The following SLC16A7 variants were observed in gnomAD, a reference collection of about 807,000 sequenced individuals.
SLC16A7 encodes monocarboxylate transporter 2.
SLC16A7 carries 33 observed loss-of-function variants against 34.9 expected under a neutral mutation model. That is an observed-to-expected ratio of 0.94 (90% confidence interval 0.72 to 1.26). The LOEUF (loss-of-function observed/expected upper bound fraction) is 1.26, where lower values mean the gene tolerates loss of function less well. Ranked by LOEUF, SLC16A7 falls within the 50% of genes most tolerant of loss-of-function variation. SLC16A7 has a pLI of 0.00. For missense variants in SLC16A7, 573 were observed against 578.1 expected (o/e 0.99, Z 0.09); for synonymous variants, 201 against 206.6 (o/e 0.97, Z 0.23).
chr12:59,664,735 G>A (rs1195307938), intron 2 of SLC16A7: 3 of 152,128 alleles, frequency 2.0e-5, no homozygotes, highest in Non-Finnish European at 4.4e-5. Context: ...TGAAAAGTAT[G>A]AACTAATAGT....
intron 3 of SLC16A7, among the ~76,000 whole-genome samples, chr12:59,723,453 T>G (rs1875848621): frequency 1.3e-5 from 2 of 151,950 alleles, no homozygotes; most frequent in African/African-American, 4.8e-5. Context: ...TAAAATTTAT[T>G]AAAGCTTCAT....
At chr12:59,768,213 C>T (rs143151350) in intron 3 of SLC16A7, 56 of 455,488 alleles carry the variant, frequency 1.2e-4, no homozygotes, top group East Asian at 5.6e-4. Context: ...GATAACATCA[C>T]GATCATTCAC....
At chr12:59,724,184 T>C (rs1261788142) in intron 3 of SLC16A7, among the ~76,000 whole-genome samples, 2 of 152,056 alleles carry the variant, frequency 1.3e-5, no homozygotes, top group Admixed American at 6.6e-5. Flanking sequence ...TTCAGCAGAA[T>C]ACAGGTTTTG....
At chr12:59,706,821 G>T (rs1446910206) in intron 3 of SLC16A7, among the ~76,000 whole-genome samples, 3 of 152,042 alleles carry the variant, frequency 2.0e-5, no homozygotes, top group Non-Finnish European at 2.9e-5. Flanking sequence ...ATTAATATAA[G>T]TCCATTGAAT....
chr12:59,608,379 C>A (rs1011388640), intron 1 of SLC16A7, among the ~76,000 whole-genome samples: 3 of 152,152 alleles, frequency 2.0e-5, no homozygotes, highest in African/African-American at 7.2e-5. Context: ...CAACTTCATA[C>A]CAGCTTCTTG....
chr12:59,720,222 G>T, intron 3 of SLC16A7: 2 of 544,864 alleles, frequency 3.7e-6, no homozygotes, highest in Non-Finnish European at 3.2e-6. Flanking sequence ...TGTTACTTAT[G>T]TATTTATAGT....
intron 1 of SLC16A7, among the ~76,000 whole-genome samples, chr12:59,598,466 T>G (rs1878529759): frequency 6.6e-6 from 1 of 151,350 alleles, no homozygotes; most frequent in South Asian, 2.1e-4. Flanking sequence ...TAATCTTTCT[T>G]GTATCCCATT....
chr12:59,733,698 T>G (rs1046806953), intron 3 of SLC16A7: 1 of 455,964 alleles, frequency 2.2e-6, no homozygotes, highest in African/African-American at 2.0e-5. Flanking sequence ...TTACAACTGT[T>G]TCAGTCCCGC....
In SLC16A7 at chr12:59,786,126, G is replaced by A. The variant is rs1296218770; in HGVS notation, c.*6447G>A. The A allele has an allele frequency of 6.6e-6, 1 of 151,286 alleles. No individual in the cohort carries two copies. The highest frequency in any genetic ancestry group is 1.5e-5 in the Non-Finnish European group (1 of 67,872). The allele number at this position is 151,286 out of a possible 1,614,324, so 9.4% of individuals were successfully genotyped here. Reference sequence around the variant, plus strand: ...GGTGCAGCGCACCAGCATGGCACATGTATACATATGTAACTAACCTGCACA... The same window carrying A: ...GGTGCAGCGCACCAGCATGGCACATATATACATATGTAACTAACCTGCACA... On this transcript the variant is annotated 3_prime_UTR_variant, in exon 6 of 6. Coordinates refer to ENST00000547379, the MANE Select transcript of SLC16A7 (RefSeq NM_001270623.2).
At chr12:59,713,716 A>G (rs935481749) in intron 3 of SLC16A7, among the ~76,000 whole-genome samples, 2 of 152,234 alleles carry the variant, frequency 1.3e-5, no homozygotes, top group Non-Finnish European at 2.9e-5. Flanking sequence ...GGCAGACACT[A>G]GCCTTGCACA....
chr12:59,635,143 T>C (rs1250920014), intron 1 of SLC16A7, among the ~76,000 whole-genome samples: 2 of 152,080 alleles, frequency 1.3e-5, no homozygotes, highest in African/African-American at 4.8e-5. Flanking sequence ...ATGCTTATAC[T>C]AAAGGTGTTA....
At chr12:59,683,463 A>G (rs1870905195) in intron 2 of SLC16A7, among the ~76,000 whole-genome samples, 1 of 152,188 alleles carries the variant, frequency 6.6e-6, no homozygotes, top group Non-Finnish European at 1.5e-5. Context: ...TGAAAAGCAC[A>G]TGAACCATGA....
intron 2 of SLC16A7, among the ~76,000 whole-genome samples, chr12:59,660,585 G>T (rs1868795141): frequency 6.6e-6 from 1 of 151,608 alleles, no homozygotes; most frequent in South Asian, 2.1e-4. Flanking sequence ...ATAGTGGCAT[G>T]TATCTGTATT....
chr12:59,723,912 T>C (rs140624006), intron 3 of SLC16A7, among the ~76,000 whole-genome samples: 8 of 152,124 alleles, frequency 5.3e-5, no homozygotes, highest in Admixed American at 1.3e-4. Context: ...TTCCCACTTA[T>C]AGTTAGTGAA....
intron 1 of SLC16A7, among the ~76,000 whole-genome samples, chr12:59,641,705 G>C (rs894987104): frequency 1.3e-5 from 2 of 152,078 alleles, no homozygotes; most frequent in East Asian, 3.9e-4. Flanking sequence ...ATTATTGGAT[G>C]TCACTGTTTC....
At chr12:59,671,658 TTCTCTC>T (rs34073980) in intron 2 of SLC16A7, among the ~76,000 whole-genome samples, 45 of 139,616 alleles carry the variant, frequency 3.2e-4, no homozygotes, top group African/African-American at 9.5e-4. Context: ...ACAGTGCTCT[TTCTCTC>T]TCTCTCTCTC....
At chr12:59,705,522 T>C (rs560807208) in intron 3 of SLC16A7, among the ~76,000 whole-genome samples, 3 of 152,326 alleles carry the variant, frequency 2.0e-5, no homozygotes, top group African/African-American at 7.2e-5. Flanking sequence ...TTTATCTCTA[T>C]AAGGCTCATT....
At chr12:59,610,415 AAT>A in intron 1 of SLC16A7, among the ~76,000 whole-genome samples, 1 of 152,350 alleles carries the variant, frequency 6.6e-6, no homozygotes, top group Non-Finnish European at 1.5e-5. Context: ...CAAGAAATCA[AAT>A]AGACACAGAT....
At chr12:59,648,600 G>T (rs1381066323) in intron 1 of SLC16A7, among the ~76,000 whole-genome samples, 1 of 152,080 alleles carries the variant, frequency 6.6e-6, no homozygotes, top group South Asian at 2.1e-4. Context: ...AAGAAACATT[G>T]CAGCTGAACA....
Sources: allele counts gnomAD v4.1 joint callset (sites outside exome capture counted in the v4.1 genomes callset), GRCh38; gene constraint gnomAD v4.1.1; transcripts MANE v1.5; gene names NCBI Gene and HGNC (gene_info 2026-07-23, HGNC 2026-07-21).